Variants in HOPX observed in about 807,000 individuals in gnomAD.
HOPX encodes HOP homeobox.
HOPX carries 5 observed loss-of-function variants against 11.8 expected under a neutral mutation model. The ratio of observed to expected loss-of-function variants is 0.43; its 90% CI spans 0.22 to 0.89. The LOEUF (loss-of-function observed/expected upper bound fraction) is 0.89, where lower values mean the gene tolerates loss of function less well. Ranked by LOEUF, HOPX falls within the 40% of genes least tolerant of loss-of-function variation. The probability of loss-of-function intolerance (pLI) is 0.28; values close to 1 mark genes in which losing one functional copy is unlikely to be tolerated. For synonymous variants in HOPX, 49 were observed against 49.7 expected, an observed-to-expected ratio of 0.99 and a Z score of 0.06; for missense variants, 119 against 120.0, an observed-to-expected ratio of 0.99 and a Z score of 0.04.
chr4:56,653,334 G>A (rs757184157), intron 3 of HOPX, among the ~76,000 whole-genome samples: 6 of 152,120 alleles, frequency 3.9e-5, no homozygotes, highest in Non-Finnish European at 8.8e-5. Flanking sequence ...TGGGATTACA[G>A]GTGTGAGCTA....
At chr4:56,660,472 T>C (rs1341686083) in intron 1 of HOPX, among the ~76,000 whole-genome samples, 1 of 152,218 alleles carries the variant, frequency 6.6e-6, no homozygotes, top group Admixed American at 6.5e-5. Context: ...TGTGCAACTA[T>C]GGATTTGCAC....
chr4:56,650,445 A>C, intron 3 of HOPX: 2 of 473,162 alleles, frequency 4.2e-6, no homozygotes, highest in Non-Finnish European at 7.5e-6. Context: ...GCTGAAAGGG[A>C]ATTCAGTATA....
intron 1 of HOPX, 118 bp downstream of exon 1, chr4:56,681,137 C>A (rs1186464931): frequency 1.0e-6 from 1 of 968,142 alleles, no homozygotes; most frequent in East Asian, 1.1e-4. Context: ...TCCTATTCTC[C>A]CTTTCACCTC....
chr4:56,680,213 G>A (rs1287323740), intron 1 of HOPX: 3 of 152,140 alleles, frequency 2.0e-5, no homozygotes, highest in African/African-American at 7.2e-5. Context: ...TGTGGGTTGG[G>A]GTGTGGGGTG....
intron 1 of HOPX, among the ~76,000 whole-genome samples, chr4:56,673,016 G>A (rs1321315304): frequency 6.6e-6 from 1 of 152,108 alleles, no homozygotes. Context: ...TCCATGCTGT[G>A]TGAATAAAAC....
Position 56,673,830 on chromosome 4 carries a change from G to A in HOPX, c.-84+7425C>T, listed in dbSNP as rs186171035. 7.2e-3 allele frequency among the ~76,000 whole-genome samples: 1,075 copies of A among 149,916 alleles called. 11 individuals carry two copies. The highest frequency in any genetic ancestry group is 0.026 in the African/African-American group (1,030 of 39,316). On this transcript the variant is annotated intron_variant, in intron 1 of 3. Coordinates refer to ENST00000420433, the MANE Select transcript of HOPX (RefSeq NM_032495.6). Reference sequence around the variant, plus strand: ...AGCGATTTTCCTGCCTCAGCCTCCTGAGTAGCTGGGATTACAGGCATGCAC... The same window carrying A: ...AGCGATTTTCCTGCCTCAGCCTCCTAAGTAGCTGGGATTACAGGCATGCAC...
chr4:56,659,185 G>A (rs574296271), intron 1 of HOPX: 2 of 152,180 alleles, frequency 1.3e-5, no homozygotes, highest in African/African-American at 2.4e-5. Context: ...AGAACAAAAG[G>A]TTATCAATGG....
At chr4:56,649,030 T>C in intron 3 of HOPX, 1 of 384,344 alleles carries the variant, frequency 2.6e-6, no homozygotes, top group Non-Finnish European at 4.7e-6. Flanking sequence ...GATCTCCCTG[T>C]CATCCTCACA....
At chr4:56,655,144 C>T (rs1295046330) in intron 3 of HOPX, among the ~76,000 whole-genome samples, 1 of 152,164 alleles carries the variant, frequency 6.6e-6, no homozygotes, top group African/African-American at 2.4e-5. Context: ...CTGCCGCTGC[C>T]GTCAGCTGAA....
chr4:56,662,476 T>G (rs1197748297), intron 1 of HOPX: 2 of 109,226 alleles, frequency 1.8e-5, no homozygotes, highest in Non-Finnish European at 3.7e-5. Flanking sequence ...TTTCTTTCTT[T>G]CTTTCTTCTT....
intron 3 of HOPX, chr4:56,651,125 G>A (rs1717128595): frequency 2.2e-5 from 5 of 226,294 alleles, no homozygotes; most frequent in Non-Finnish European, 4.4e-5. Flanking sequence ...AAAAATGGTT[G>A]AGCTGGTCTC....
chr4:56,670,059 G>A (rs2109536253), intron 1 of HOPX, among the ~76,000 whole-genome samples: 1 of 152,330 alleles, frequency 6.6e-6, no homozygotes, highest in East Asian at 1.9e-4. Context: ...CTGTCTGGTA[G>A]ACTGAGTTAT....
chr4:56,674,916 T>TA (rs33940899), intron 1 of HOPX, among the ~76,000 whole-genome samples: 86 of 121,728 alleles, frequency 7.1e-4, no homozygotes, highest in Middle Eastern at 8.2e-3. Flanking sequence ...TCTGGCTAAC[T>TA]AAAAAAAAAA....
chr4:56,673,146 A>G lies in HOPX; in HGVS notation c.-84+8109T>C, dbSNP rs2109544275. Among the ~76,000 whole-genome samples, 4 of 152,366 alleles carry G rather than the reference A, an allele frequency of 2.6e-5. No homozygotes were observed. The Middle Eastern group carries it at 0.014, about 518-fold the overall frequency. ...TCATTTCAGAGAATTGGAGGCAAGA[A>G]AGATGTCCATTACTGCAGGAGTCAA... On this transcript the variant is annotated intron_variant, in intron 1 of 3. Transcript: ENST00000420433.
At chr4:56,659,290 C>T (rs1717961700) in intron 1 of HOPX, 1 of 152,204 alleles carries the variant, frequency 6.6e-6, no homozygotes, top group Non-Finnish European at 1.5e-5. Context: ...CTTTTATGCT[C>T]ACTGTGAACT....
chr4:56,661,324 T>C (rs1308849465), intron 1 of HOPX, among the ~76,000 whole-genome samples: 2 of 152,244 alleles, frequency 1.3e-5, no homozygotes, highest in Non-Finnish European at 2.9e-5. Context: ...TTTGTGAATA[T>C]ACAATTTATG....
In HOPX at chr4:56,677,493, T is replaced by G. The variant is rs149441307; in HGVS notation, c.-84+3762A>C. On this transcript the variant is annotated intron_variant, in intron 1 of 3. Transcript: ENST00000420433. ...GGAACCTACTTACTATACCAGGGAG[T>G]GACATAATTCATTAAACGATTATTG... is the stretch of plus-strand genomic sequence containing the variant. Among the ~76,000 whole-genome samples the G allele has an allele frequency of 7.9e-5, 12 of 151,804 alleles. 1 individual carries two copies. The highest frequency in any genetic ancestry group is 2.9e-4 in the African/African-American group (12 of 41,074).
chr4:56,681,268 AGGCAAGCGCAAGCCCT>A lies in HOPX; in HGVS notation c.-113_-98del, dbSNP rs1170051133. 2.0e-6 allele frequency: 2 copies of A among 985,390 alleles called. No homozygotes were observed. Among genetic ancestry groups the A allele is most frequent in the East Asian group, 2.3e-4 (2 of 8,820 alleles). The allele number at this position is 985,390 out of a possible 1,614,324, so 61.0% of individuals were successfully genotyped here. On this transcript the variant is annotated 5_prime_UTR_variant, in exon 1 of 4. Transcript: ENST00000420433. ...AAAGGTACTTACGTGGAAGAGGCAA[AGGCAAGCGCAAGCCCT>A]GGGTTTGGAAGCTGTGTTTGCTGAT... is the stretch of plus-strand genomic sequence containing the variant.
At chr4:56,673,783 C>A (rs148385444) in intron 1 of HOPX, among the ~76,000 whole-genome samples, 14 of 152,286 alleles carry the variant, frequency 9.2e-5, no homozygotes, top group African/African-American at 3.4e-4. Flanking sequence ...TGGCTCCCTG[C>A]AGCCTTCGCC....
Sources: allele counts gnomAD v4.1 joint callset (sites outside exome capture counted in the v4.1 genomes callset), GRCh38; gene constraint gnomAD v4.1.1; transcripts MANE v1.5; gene names NCBI Gene and HGNC (gene_info 2026-07-23, HGNC 2026-07-21).